NMS: variants seen among roughly 807,000 people sequenced by gnomAD.
The protein encoded by NMS is neuromedin S, also known as neuromedin-S.
A neutral mutation model predicts 32.2 loss-of-function variants in NMS; 30 were observed. The ratio of observed to expected loss-of-function variants is 0.93; its 90% CI spans 0.70 to 1.26. The LOEUF (loss-of-function observed/expected upper bound fraction) is 1.26, where lower values mean the gene tolerates loss of function less well. Ranked by LOEUF, NMS falls within the 50% of genes most tolerant of loss-of-function variation. The probability of loss-of-function intolerance (pLI) is 0.00; values close to 1 mark genes in which losing one functional copy is unlikely to be tolerated. For missense variants in NMS, 190 were observed against 186.3 expected (o/e 1.02, Z -0.12); for synonymous variants, 76 against 58.5 (o/e 1.30, Z -1.37).
At chr2:100,481,064 A>C in intron 7 of NMS, 62 bp from the exon 8 acceptor site, 1 of 1,564,266 alleles carries the variant, frequency 6.4e-7, no homozygotes. Flanking sequence ...TCCTATAGAC[A>C]TTTTTGAAGA....
chr2:100,473,431 A>G, intron 2 of NMS, 58 bp from the exon 3 acceptor site: 1 of 967,814 alleles, frequency 1.0e-6, no homozygotes, highest in Non-Finnish European at 1.5e-6. Context: ...CCCATTAATC[A>G]ATCTCTCTCT....
chr2:100,481,706 TA>T (rs34637244), intron 8 of NMS, among the ~76,000 whole-genome samples: 2 of 152,156 alleles, frequency 1.3e-5, no homozygotes, highest in Non-Finnish European at 2.9e-5. Flanking sequence ...TCACTGGCGC[TA>T]AAAAGTATTC....
chr2:100,473,577 T>C, intron 3 of NMS, 38 bp downstream of exon 3: 1 of 776,584 alleles, frequency 1.3e-6, no homozygotes, highest in Non-Finnish European at 1.8e-6. Flanking sequence ...ATATAAAATA[T>C]ATATATATGC....
chr2:100,479,654 A>G (rs1461759486), intron 6 of NMS, among the ~76,000 whole-genome samples: 1 of 152,134 alleles, frequency 6.6e-6, no homozygotes, highest in Non-Finnish European at 1.5e-5. Flanking sequence ...GAGAGACCCC[A>G]TGGCCCAGCC....
At chr2:100,474,917 T>C (rs1677077698) in intron 3 of NMS, among the ~76,000 whole-genome samples, 1 of 152,218 alleles carries the variant, frequency 6.6e-6, no homozygotes, top group Non-Finnish European at 1.5e-5. Flanking sequence ...GAGTTCTTCA[T>C]CCCTTTGTTA....
intron 8 of NMS, among the ~76,000 whole-genome samples, chr2:100,481,503 C>A (rs1332426458): frequency 6.6e-6 from 1 of 152,182 alleles, no homozygotes; most frequent in African/African-American, 2.4e-5. Context: ...GCAGGAGGAG[C>A]TTAGGCACCA....
chr2:100,477,228 A>G lies in NMS; in HGVS notation c.184-16A>G, dbSNP rs1573235846. On this transcript the variant is annotated splice_polypyrimidine_tract_variant and intron_variant, in intron 3 of 9. Coordinates refer to ENST00000376865, the MANE Select transcript of NMS (RefSeq NM_001011717.1). The stretch of plus-strand genomic sequence containing the variant: ...GTAAAATTTCATCTAACTTACCCTC[A>G]CAATTCTCTTTCCAGGATAATCAAG... The G allele has an allele frequency of 2.5e-6, 4 of 1,612,366 alleles. No homozygotes were observed. The highest frequency in any genetic ancestry group is 3.4e-6 in the Non-Finnish European group (4 of 1,178,420).
chr2:100,477,256 A>G lies in NMS; in HGVS notation c.196A>G (p.Ile66Val). The change falls in exon 4 of 10, where the codon ATA becomes GTA. Residue 66 changes from isoleucine to valine, a missense_variant. Transcript: ENST00000376865. Reference protein sequence around the residue: ...LSRQPKDNQDIYKRFLFHYSR... With the variant: ...LSRQPKDNQDVYKRFLFHYSR... ...ATTCTCTTTCCAGGATAATCAAGAC[A>G]TATACAAAAGGGTGAGTACCACCTA... 3.1e-6 allele frequency: 5 copies of G among 1,613,680 alleles called. No individual in the cohort carries two copies. The highest frequency in any genetic ancestry group is 4.2e-6 in the Non-Finnish European group (5 of 1,179,594).
At chr2:100,477,222 A>G (rs1490872429) in intron 3 of NMS, 22 bp from the exon 4 acceptor site, 14 of 1,610,982 alleles carry the variant, frequency 8.7e-6, no homozygotes, top group African/African-American at 2.7e-5. Flanking sequence ...CATCTAACTT[A>G]CCCTCACAAT....
intron 7 of NMS, 100 bp downstream of exon 7, chr2:100,480,631 A>T (rs527602985): frequency 1.7e-6 from 2 of 1,170,604 alleles, no homozygotes; most frequent in African/African-American, 3.1e-5. Flanking sequence ...CCTCCAGACC[A>T]GTTCTGGGCA....
At position 100,477,098 on chromosome 2, in the gene NMS, C is replaced by A; in HGVS notation, c.184-146C>A. The stretch of plus-strand genomic sequence containing the variant: ...ATCAACTATAGACTCATTAAATTTA[C>A]GTAATAATTTCTTTTTAGATTGCCA... On this transcript the variant is annotated intron_variant, in intron 3 of 9. Coordinates refer to ENST00000376865, the MANE Select transcript of NMS (RefSeq NM_001011717.1). 10 of 669,146 alleles carry A rather than the reference C, an allele frequency of 1.5e-5. No individual in the cohort carries two copies. In the South Asian group the frequency reaches 1.7e-4, roughly 11 times the overall value. 41.5% of individuals were successfully genotyped at this position (669,146 alleles called of 1,614,324 possible). A position where few individuals can be genotyped will look rare whatever the true frequency, so the allele number is the denominator to read the frequency against.
At chr2:100,482,602 G>T (rs1677241007) in intron 9 of NMS, among the ~76,000 whole-genome samples, 1 of 152,114 alleles carries the variant, frequency 6.6e-6, no homozygotes, top group Non-Finnish European at 1.5e-5. Flanking sequence ...GGGGATGCAG[G>T]CTCATTGCAG....
intron 9 of NMS, among the ~76,000 whole-genome samples, chr2:100,482,636 C>T (rs549763228): frequency 6.6e-6 from 1 of 152,304 alleles, no homozygotes; most frequent in South Asian, 2.1e-4. Context: ...TCTGTGACTT[C>T]TCACCTGGCC....
At position 100,481,180 on chromosome 2, in the gene NMS, TTC is replaced by T. The variant is rs766047900; in HGVS notation, c.414+16_414+17del. On this transcript the variant is annotated intron_variant, in intron 8 of 9. Transcript: ENST00000376865. ...TTTCCTTTTCAGGGTATAGCATGTT[TTC>T]TCACCTTTGCTTTCTAACCTCGATT... The T allele has an allele frequency of 1.3e-5, 21 of 1,613,738 alleles. No individual in the cohort carries two copies. The South Asian group carries it at 2.1e-4, about 16-fold the overall frequency.
intron 5 of NMS, among the ~76,000 whole-genome samples, chr2:100,477,945 A>G (rs1315051274): frequency 6.6e-6 from 1 of 152,158 alleles, no homozygotes; most frequent in Non-Finnish European, 1.5e-5. Flanking sequence ...TGATTTGAGG[A>G]ATATTGGAGA....
At chr2:100,471,630 G>A (rs1519659) in intron 1 of NMS, among the ~76,000 whole-genome samples, 48,432 of 151,904 alleles carry the variant, frequency 0.32, 8,865 homozygotes, top group African/African-American at 0.5. Context: ...ATTTTTTCCT[G>A]TTTGACTTTA....
chr2:100,474,496 T>C (rs1464566958), intron 3 of NMS, among the ~76,000 whole-genome samples: 3 of 152,198 alleles, frequency 2.0e-5, no homozygotes, highest in Non-Finnish European at 4.4e-5. Context: ...CAATCCAGAC[T>C]CTAAAACAAA....
At chr2:100,476,586 G>A (rs559590660) in intron 3 of NMS, among the ~76,000 whole-genome samples, 61 of 152,308 alleles carry the variant, frequency 4.0e-4, no homozygotes, top group African/African-American at 1.4e-3. Context: ...TGATCAGTAC[G>A]AACCAGATCA....
intron 3 of NMS, among the ~76,000 whole-genome samples, chr2:100,476,759 C>T (rs934323628): frequency 1.3e-5 from 2 of 152,126 alleles, no homozygotes; most frequent in South Asian, 2.1e-4. Flanking sequence ...GGCTGAGGTG[C>T]GTGCACTGGC....
Sources: allele counts gnomAD v4.1 joint callset (sites outside exome capture counted in the v4.1 genomes callset), GRCh38; gene constraint gnomAD v4.1.1; transcripts MANE v1.5; gene names NCBI Gene and HGNC (gene_info 2026-07-23, HGNC 2026-07-21).